TMEM131: variants seen among roughly 807,000 people sequenced by gnomAD.
TMEM131 encodes the protein 2610524E03Rik.
TMEM131 carries 66 observed loss-of-function variants against 211.6 expected under a neutral mutation model. The observed-to-expected ratio is 0.31, with a 90% CI of 0.26 to 0.38. TMEM131 has a LOEUF of 0.38. TMEM131 is among the 10% of genes least tolerant of loss of function. The probability of loss-of-function intolerance (pLI) is 1.00; values close to 1 mark genes in which losing one functional copy is unlikely to be tolerated. For missense variants in TMEM131, 2,036 were observed against 2,299.3 expected, an observed-to-expected ratio of 0.89 and a Z score of 2.34; for synonymous variants, 844 against 841.3, an observed-to-expected ratio of 1.00 and a Z score of -0.06.
intron 28 of TMEM131, 70 bp from the exon 29 acceptor site, chr2:97,795,185 G>T: frequency 9.0e-7 from 1 of 1,108,920 alleles, no homozygotes; most frequent in Non-Finnish European, 1.3e-6. Context: ...TATAATACTG[G>T]TCCTATAAGC....
At chr2:97,838,816 T>C (rs765431483) in intron 7 of TMEM131, among the ~76,000 whole-genome samples, 18 of 152,192 alleles carry the variant, frequency 1.2e-4, no homozygotes, top group Non-Finnish European at 1.2e-4. Flanking sequence ...GTAATGCATT[T>C]ACCAAAGACT....
At chr2:97,832,657 C>T (rs1006363319) in intron 11 of TMEM131, among the ~76,000 whole-genome samples, 19 of 152,186 alleles carry the variant, frequency 1.2e-4, no homozygotes, top group African/African-American at 4.6e-4. Flanking sequence ...CTGGCATCAG[C>T]ACAAATTATA....
rs570167420 is a variant in TMEM131, at chr2:97,928,581, G to C, written c.188-1094C>G. On this transcript the variant is annotated intron_variant, in intron 1 of 40. Coordinates refer to ENST00000186436, the MANE Select transcript of TMEM131 (RefSeq NM_015348.2). ...GAATGAATCAACCTTACTGAAGTGG[G>C]GGGAGAGGGGAGAGTGCTCACCTAA... Among the ~76,000 whole-genome samples the C allele has an allele frequency of 1.3e-4, 20 of 151,912 alleles. No individual in the cohort carries two copies. The East Asian group carries it at 3.1e-3, about 23-fold the overall frequency.
chr2:97,858,182 A>G (rs1673924699), intron 5 of TMEM131, among the ~76,000 whole-genome samples: 1 of 152,230 alleles, frequency 6.6e-6, no homozygotes, highest in Non-Finnish European at 1.5e-5. Context: ...TTACATGGCT[A>G]AAAAGGTTTC....
chr2:97,818,469 GGGGC>G (rs1360613118), intron 12 of TMEM131, 140 bp downstream of exon 12: 13,914 of 142,582 alleles, frequency 0.098, 1,085 homozygotes, highest in Non-Finnish European at 0.15. Context: ...ACAGCGGGGG[GGGGC>G]GGGGGGGGAT....
chr2:97,853,492 G>A (rs1400893097), intron 5 of TMEM131, among the ~76,000 whole-genome samples: 1 of 150,336 alleles, frequency 6.7e-6, no homozygotes, highest in Admixed American at 6.6e-5. Context: ...TATAATCCCA[G>A]CTATTCAGAA....
chr2:97,825,721 G>T (rs2105026650), intron 11 of TMEM131, among the ~76,000 whole-genome samples: 1 of 152,264 alleles, frequency 6.6e-6, no homozygotes, highest in African/African-American at 2.4e-5. Context: ...AGACTCGTGG[G>T]ACAACCCCAC....
Position 97,890,296 on chromosome 2 carries a change from TG to T in TMEM131, c.291-2177del, listed in dbSNP as rs1370496031. 3.3e-5 allele frequency among the ~76,000 whole-genome samples: 5 copies of T among 152,340 alleles called. No homozygotes were observed. In the East Asian group the frequency reaches 9.6e-4, roughly 29 times the overall value. On this transcript the variant is annotated intron_variant, in intron 3 of 40. Transcript: ENST00000186436. ...CCAACAGTGGGAAGCAGGGAAGTCCTGGAGTGCTCCAGGCAACTGGTGACGG... is the reference window on the plus strand; with the variant it reads ...CCAACAGTGGGAAGCAGGGAAGTCCTGAGTGCTCCAGGCAACTGGTGACGG...
At chr2:97,797,702 A>G (rs1374577078) in intron 25 of TMEM131, among the ~76,000 whole-genome samples, 186 bp from the exon 26 acceptor site, 1 of 152,272 alleles carries the variant, frequency 6.6e-6, no homozygotes, top group Non-Finnish European at 1.5e-5. Context: ...GATGAGATTC[A>G]TATTCTACAT....
At chr2:97,808,905 G>C (rs532410565) in intron 19 of TMEM131, among the ~76,000 whole-genome samples, 29 of 152,318 alleles carry the variant, frequency 1.9e-4, no homozygotes, top group African/African-American at 7.0e-4. Flanking sequence ...GGAAGGACAG[G>C]AGGAAGGGCA....
At chr2:97,815,417 A>C in intron 12 of TMEM131, 110 bp from the exon 13 acceptor site, 1 of 593,508 alleles carries the variant, frequency 1.7e-6, no homozygotes, top group Non-Finnish European at 2.8e-6. Flanking sequence ...GAGCTTCCAA[A>C]TTGGCCAACA....
At chr2:97,958,960 G>A (rs1678690770) in intron 1 of TMEM131, among the ~76,000 whole-genome samples, 1 of 152,224 alleles carries the variant, frequency 6.6e-6, no homozygotes, top group Non-Finnish European at 1.5e-5. Flanking sequence ...AAGAGGGCAT[G>A]TGTCATGGAA....
chr2:97,995,209 G>C (rs1680439312), intron 1 of TMEM131, among the ~76,000 whole-genome samples: 1 of 152,234 alleles, frequency 6.6e-6, no homozygotes, highest in African/African-American at 2.4e-5. Context: ...CTCCTACCTA[G>C]CGGGCCAAGT....
At chr2:97,830,965 A>G (rs939394788) in intron 11 of TMEM131, among the ~76,000 whole-genome samples, 4 of 152,234 alleles carry the variant, frequency 2.6e-5, no homozygotes, top group African/African-American at 7.2e-5. Flanking sequence ...ACCTTTCTAA[A>G]TATCTATAGT....
intron 1 of TMEM131, among the ~76,000 whole-genome samples, chr2:97,930,319 G>A (rs1209982164): frequency 1.3e-5 from 2 of 151,812 alleles, no homozygotes; most frequent in Admixed American, 1.3e-4. Context: ...CATTGAGCCA[G>A]AAGAAATGCT....
chr2:97,873,134 C>T (rs923816415), intron 4 of TMEM131, among the ~76,000 whole-genome samples: 9 of 152,204 alleles, frequency 5.9e-5, no homozygotes, highest in East Asian at 1.9e-4. Context: ...TCACAAGTCA[C>T]GGGGAAGTTC....
intron 33 of TMEM131, 67 bp downstream of exon 33, chr2:97,772,230 A>G: frequency 6.4e-7 from 1 of 1,566,120 alleles, no homozygotes; most frequent in Non-Finnish European, 8.6e-7. Context: ...CCAAATCAAA[A>G]CAGCACCTGG....
At chr2:97,824,330 G>A (rs541762645) in intron 11 of TMEM131, among the ~76,000 whole-genome samples, 10 of 152,256 alleles carry the variant, frequency 6.6e-5, no homozygotes, top group South Asian at 4.1e-4. Flanking sequence ...CTCTGGGTAC[G>A]TTTAACCATT....
At chr2:97,916,732 C>A (rs1676523784) in intron 2 of TMEM131, among the ~76,000 whole-genome samples, 1 of 152,162 alleles carries the variant, frequency 6.6e-6, no homozygotes, top group African/African-American at 2.4e-5. Flanking sequence ...CGGTTAAAAA[C>A]TTAGGCCTCA....
Sources: allele counts gnomAD v4.1 joint callset (sites outside exome capture counted in the v4.1 genomes callset), GRCh38; gene constraint gnomAD v4.1.1; transcripts MANE v1.5; gene names NCBI Gene and HGNC (gene_info 2026-07-23, HGNC 2026-07-21).